Variants in CHIC1 observed in about 807,000 individuals in gnomAD.
CHIC1 encodes cysteine-rich hydrophobic domain-containing protein 1.
Under a neutral mutation model 18.5 loss-of-function variants are expected in CHIC1, and 7 were observed. That is an observed-to-expected ratio of 0.38 (90% confidence interval 0.22 to 0.71). CHIC1 has a LOEUF of 0.71. CHIC1 is among the 30% of genes least tolerant of loss of function. CHIC1 has a pLI of 0.49. For synonymous variants in CHIC1, 77 were observed against 73.5 expected (o/e 1.05, Z -0.25); for missense variants, 159 against 176.9 (o/e 0.90, Z 0.57).
Position 73,687,006 on chromosome X carries a change from C to T in CHIC1, c.*6001C>T, listed in dbSNP as rs1225877710. ...CCAAAATGAAGGATACCTGCCTCTCCGAAACTTTCACTGCTGCTTCTGTCA... is the reference window on the plus strand; with the variant it reads ...CCAAAATGAAGGATACCTGCCTCTCTGAAACTTTCACTGCTGCTTCTGTCA... On this transcript the variant is annotated 3_prime_UTR_variant, in exon 6 of 6. Coordinates refer to ENST00000373502, the MANE Select transcript of CHIC1 (RefSeq NM_001039840.4). 3.6e-5 allele frequency: 4 copies of T among 111,466 alleles called. No individual in the cohort carries two copies. Among genetic ancestry groups the T allele is most frequent in the Non-Finnish European group, 7.6e-5 (4 of 52,904 alleles). 9.2% of individuals were successfully genotyped at this position (111,466 alleles called of 1,213,427 possible).
chrX:73,587,191 A>G lies in CHIC1; in HGVS notation c.507+2619A>G, dbSNP rs778680960. On this transcript the variant is annotated intron_variant, in intron 3 of 5. Coordinates refer to ENST00000373502, the MANE Select transcript of CHIC1 (RefSeq NM_001039840.4). ...TTAGCCAATTATTGAAAATATTTCCAGCAAAAGAATTTTTATGTAGATAGT... is the reference window on the plus strand; with the variant it reads ...TTAGCCAATTATTGAAAATATTTCCGGCAAAAGAATTTTTATGTAGATAGT... 2.7e-5 allele frequency among the ~76,000 whole-genome samples: 3 copies of G among 112,298 alleles called. No individual in the cohort carries two copies. The East Asian group carries it at 8.5e-4, about 32-fold the overall frequency.
At chrX:73,648,814 G>A (rs2057901844) in intron 3 of CHIC1, among the ~76,000 whole-genome samples, 1 of 111,641 alleles carries the variant, frequency 9.0e-6, no homozygotes, top group Non-Finnish European at 1.9e-5. Flanking sequence ...CCCTAACCTA[G>A]TAAGAACAAC....
At chrX:73,618,218 T>C (rs1165664902) in intron 3 of CHIC1, among the ~76,000 whole-genome samples, 2 of 111,275 alleles carry the variant, frequency 1.8e-5, no homozygotes, top group Admixed American at 1.9e-4. Flanking sequence ...GGGTCCTTAG[T>C]TGTAGTTTTA....
In CHIC1 at chrX:73,681,329, A is replaced by T. The variant is rs1363816981; in HGVS notation, c.*324A>T. ...CTTGTTCTGAGCATGCTGCCTTATA[A>T]TTTTCATACTCATTGTTTCTAAACT... On this transcript the variant is annotated 3_prime_UTR_variant, in exon 6 of 6. Coordinates refer to ENST00000373502, the MANE Select transcript of CHIC1 (RefSeq NM_001039840.4). The T allele has an allele frequency of 6.2e-6, 1 of 160,592 alleles. No individual in the cohort carries two copies. The highest frequency in any genetic ancestry group is 1.5e-4 in the East Asian group (1 of 6,783). The allele number at this position is 160,592 out of a possible 1,213,427, so 13.2% of individuals were successfully genotyped here.
At chrX:73,627,728 G>A (rs769224498) in intron 3 of CHIC1, among the ~76,000 whole-genome samples, 1 of 111,570 alleles carries the variant, frequency 9.0e-6, no homozygotes, top group South Asian at 3.8e-4. Flanking sequence ...GCCCATGGTA[G>A]GTTGAGAAAT....
chrX:73,601,129 C>A (rs2057646003), intron 3 of CHIC1, among the ~76,000 whole-genome samples: 2 of 106,394 alleles, frequency 1.9e-5, no homozygotes, highest in South Asian at 8.1e-4. Flanking sequence ...TAACACCCCA[C>A]TGTCAACATT....
intron 3 of CHIC1, among the ~76,000 whole-genome samples, chrX:73,616,458 C>T (rs1211258177): frequency 6.3e-5 from 7 of 111,968 alleles, no homozygotes; most frequent in Non-Finnish European, 3.8e-5. Context: ...GACAATGGCC[C>T]TCTTCTCACA....
rs2058101949 is a variant in CHIC1 at position 73,682,176 on chromosome X, G to C, written c.*1171G>C. ...AAAAAAAATTCTCAATTCTGTTTTT[G>C]ATGATCCTTTATAAAACATTAATGA... On this transcript the variant is annotated 3_prime_UTR_variant, in exon 6 of 6. Transcript: ENST00000373502. 9.0e-6 allele frequency: 1 copy of C among 111,386 alleles called. No individual in the cohort carries two copies. The highest frequency in any genetic ancestry group is 3.2e-5 in the African/African-American group (1 of 30,776). 9.2% of individuals were successfully genotyped at this position (111,386 alleles called of 1,213,427 possible).
chrX:73,587,335 A>T (rs1296795888), intron 3 of CHIC1, among the ~76,000 whole-genome samples: 1 of 111,623 alleles, frequency 9.0e-6, no homozygotes, highest in Admixed American at 9.5e-5. Flanking sequence ...CTCTGGTGCG[A>T]TTTCGCAGCT....
chrX:73,581,529 C>T (rs769293266), intron 2 of CHIC1, among the ~76,000 whole-genome samples: 15 of 110,771 alleles, frequency 1.4e-4, no homozygotes, highest in Admixed American at 2.9e-4. Flanking sequence ...TTTACTAATT[C>T]TCACTTCTTA....
chrX:73,670,723 TA>T (rs1181538621), intron 3 of CHIC1, among the ~76,000 whole-genome samples: 1 of 111,537 alleles, frequency 9.0e-6, no homozygotes, highest in Non-Finnish European at 1.9e-5. Flanking sequence ...TTTTCCTTTT[TA>T]TTTGTTTTTG....
intron 3 of CHIC1, among the ~76,000 whole-genome samples, chrX:73,637,691 G>A (rs1211873441): frequency 9.1e-6 from 1 of 110,480 alleles, no homozygotes; most frequent in Non-Finnish European, 1.9e-5. Flanking sequence ...TTCAACTCCA[G>A]AATTTGGTGT....
At chrX:73,670,335 C>G (rs1346724362) in intron 3 of CHIC1, among the ~76,000 whole-genome samples, 1 of 112,074 alleles carries the variant, frequency 8.9e-6, no homozygotes, top group African/African-American at 3.2e-5. Flanking sequence ...TGGTGGACCA[C>G]AGCTGCTTCT....
intron 3 of CHIC1, among the ~76,000 whole-genome samples, chrX:73,639,349 G>A (rs1181715646): frequency 1.8e-5 from 2 of 111,545 alleles, no homozygotes; most frequent in Non-Finnish European, 3.8e-5. Context: ...CATGTCCTTT[G>A]CCCACTTTTT....
At chrX:73,575,545 T>C (rs773116549) in intron 1 of CHIC1, among the ~76,000 whole-genome samples, 6 of 110,261 alleles carry the variant, frequency 5.4e-5, no homozygotes, top group Admixed American at 9.6e-5. Flanking sequence ...ACTGTACTGA[T>C]TACTATAGGC....
chrX:73,644,197 C>T (rs1043182352), intron 3 of CHIC1, among the ~76,000 whole-genome samples: 1 of 111,949 alleles, frequency 8.9e-6, no homozygotes, highest in Non-Finnish European at 1.9e-5. Flanking sequence ...TGTAGAACAG[C>T]GGATATTGGT....
chrX:73,668,474 C>G (rs2058014821), intron 3 of CHIC1, among the ~76,000 whole-genome samples: 1 of 111,527 alleles, frequency 9.0e-6, no homozygotes, highest in African/African-American at 3.3e-5. Context: ...TTTTTTTGTT[C>G]TTTCTCATCC....
intron 3 of CHIC1, among the ~76,000 whole-genome samples, chrX:73,677,070 G>A (rs922847789): frequency 9.0e-6 from 1 of 111,493 alleles, no homozygotes; most frequent in African/African-American, 3.3e-5. Context: ...TGCAAGTGCT[G>A]CTGCCTGATC....
intron 3 of CHIC1, among the ~76,000 whole-genome samples, chrX:73,628,057 T>G (rs2147590152): frequency 9.0e-6 from 1 of 111,652 alleles, no homozygotes; most frequent in African/African-American, 3.3e-5. Flanking sequence ...GTGGGTTCCC[T>G]TCTGGCCCAG....
Sources: allele counts gnomAD v4.1 joint callset (sites outside exome capture counted in the v4.1 genomes callset), GRCh38; gene constraint gnomAD v4.1.1; transcripts MANE v1.5; gene names NCBI Gene and HGNC (gene_info 2026-07-23, HGNC 2026-07-21).